The following DLG5 variants were observed in gnomAD, a reference collection of about 807,000 sequenced individuals.
DLG5 encodes discs large MAGUK scaffold protein 5.
Under a neutral mutation model 189.8 loss-of-function variants are expected in DLG5, and 48 were observed. That is an observed-to-expected ratio of 0.25 (90% CI 0.20 to 0.32). DLG5 has a LOEUF of 0.32. Ranked by LOEUF, DLG5 falls within the 10% of genes least tolerant of loss-of-function variation. The pLI, the probability that DLG5 is intolerant of heterozygous loss-of-function variation, is 1.00. For missense variants in DLG5, 2,160 were observed against 2,544.7 expected (o/e 0.85, Z 3.25); for synonymous variants, 1,016 against 1,054.1 (o/e 0.96, Z 0.70).
chr10:77,835,102 G>A (rs773411443), intron 8 of DLG5, among the ~76,000 whole-genome samples: 5 of 152,080 alleles, frequency 3.3e-5, no homozygotes, highest in Non-Finnish European at 7.4e-5. Context: ...AATCTCGCCA[G>A]CCTGCCCTCC....
In DLG5 at chr10:77,859,244, A is replaced by G. The variant is rs536132461; in HGVS notation, c.374-2352T>C. Among the ~76,000 whole-genome samples the G allele has an allele frequency of 9.8e-5, 15 of 152,358 alleles. 1 individual carries two copies. The East Asian group carries it at 2.9e-3, about 29-fold the overall frequency. On this transcript the variant is annotated intron_variant, in intron 2 of 31. Coordinates refer to ENST00000372391, the MANE Select transcript of DLG5 (RefSeq NM_004747.4). The stretch of plus-strand genomic sequence containing the variant: ...AAAAAGTTAAAAAAATATAAAGTTT[A>G]TAAAGTAAAAAAGTTACAGTAAGCA...
chr10:77,938,659 C>T, the DLG5 span, among the ~76,000 whole-genome samples: 2 of 152,156 alleles, frequency 1.3e-5, no homozygotes, highest in Non-Finnish European at 2.9e-5. Flanking sequence ...TTCCTGAGCA[C>T]TAAGTATGTT....
At chr10:77,801,502 C>G (rs914690969) in intron 27 of DLG5, among the ~76,000 whole-genome samples, 1 of 152,112 alleles carries the variant, frequency 6.6e-6, no homozygotes. Flanking sequence ...CGAGGAGAGG[C>G]AAGGTCAGCA....
chr10:77,831,397 C>CA (rs373644235), intron 9 of DLG5, among the ~76,000 whole-genome samples: 91 of 146,146 alleles, frequency 6.2e-4, no homozygotes, highest in Admixed American at 1.6e-3. Flanking sequence ...AACTCCATCT[C>CA]AAAAAAAAAA....
chr10:77,935,048 A>G, the DLG5 span, among the ~76,000 whole-genome samples: 1 of 151,914 alleles, frequency 6.6e-6, no homozygotes, highest in Non-Finnish European at 1.5e-5. Flanking sequence ...TAGTAGAGAT[A>G]GGGCTTCACT....
intron 1 of DLG5, among the ~76,000 whole-genome samples, chr10:77,887,089 G>T (rs1018372857): frequency 9.9e-5 from 15 of 152,114 alleles, no homozygotes; most frequent in Admixed American, 1.3e-4. Context: ...CTCTGTGCAG[G>T]CCCTTCCAAT....
intron 1 of DLG5, among the ~76,000 whole-genome samples, chr10:77,873,638 G>T (rs1361485564): frequency 2.0e-5 from 3 of 152,018 alleles, no homozygotes; most frequent in South Asian, 2.1e-4. Flanking sequence ...ATGGAAGCAC[G>T]CCCCCAACAC....
At chr10:77,835,599 G>T in intron 8 of DLG5, 139 bp downstream of exon 8, 1 of 856,374 alleles carries the variant, frequency 1.2e-6, no homozygotes, top group Non-Finnish European at 1.7e-6. Flanking sequence ...CATCAACTAG[G>T]GGTGAGAAAG....
intron 15 of DLG5, chr10:77,820,760 C>A (rs1251318435): frequency 2.0e-5 from 7 of 349,952 alleles, no homozygotes; most frequent in Admixed American, 8.7e-5. Context: ...ACACGTGCCA[C>A]CTCATCTCCC....
intron 23 of DLG5, 90 bp from the exon 24 acceptor site, chr10:77,809,820 C>CCTGCTT (rs753310684): frequency 1.2e-4 from 172 of 1,446,344 alleles, no homozygotes; most frequent in Non-Finnish European, 1.6e-4. Context: ...CCGCTTTCTG[C>CCTGCTT]CTGCTTCTTG....
intron 23 of DLG5, among the ~76,000 whole-genome samples, chr10:77,810,314 G>T (rs947276360): frequency 2.0e-5 from 3 of 152,230 alleles, no homozygotes; most frequent in Non-Finnish European, 4.4e-5. Context: ...CAGCCCGGGA[G>T]GAAAACCTTG....
upstream of DLG5, chr10:77,929,769 CTGGATTTCAGACTT>C (rs1846769698): frequency 6.6e-6 from 1 of 152,230 alleles, no homozygotes; most frequent in Non-Finnish European, 1.5e-5. Flanking sequence ...CCTCCAACAC[CTGGATTTCAGACTT>C]CTGACCTTGA....
chr10:77,806,208 G>A, intron 26 of DLG5: 1 of 299,556 alleles, frequency 3.3e-6, no homozygotes, highest in Non-Finnish European at 6.2e-6. Context: ...GATGCAGGCT[G>A]CCTCGAAAAC....
rs200848094 is a variant in DLG5, at chr10:77,880,464, T to A, written c.305-11267A>T. Among the ~76,000 whole-genome samples the A allele has an allele frequency of 2.2e-3, 327 of 152,040 alleles. 1 individual carries two copies. Among genetic ancestry groups the A allele is most frequent in the Middle Eastern group, 0.014 (4 of 294 alleles). On this transcript the variant is annotated intron_variant, in intron 1 of 31. Transcript: ENST00000372391. ...GTGAGACTCCATCTCAAAAAATAAA[T>A]AAAAACAAACAAACAAACAAACTGA...
At chr10:77,878,900 T>C (rs183794231) in intron 1 of DLG5, among the ~76,000 whole-genome samples, 12 of 152,308 alleles carry the variant, frequency 7.9e-5, no homozygotes, top group Middle Eastern at 3.4e-3. Context: ...CTGTAAAAGA[T>C]GCTACGCATT....
intron 18 of DLG5, 136 bp downstream of exon 18, chr10:77,817,641 T>C: frequency 2.8e-6 from 2 of 719,130 alleles, no homozygotes; most frequent in Non-Finnish European, 4.6e-6. Context: ...CCCTTCCCAG[T>C]AGAGAAATGA....
At chr10:77,874,631 C>T (rs1484278363) in intron 1 of DLG5, among the ~76,000 whole-genome samples, 2 of 152,204 alleles carry the variant, frequency 1.3e-5, no homozygotes, top group Non-Finnish European at 2.9e-5. Flanking sequence ...AGACTTGGGT[C>T]CTATCCCCAA....
intron 27 of DLG5, among the ~76,000 whole-genome samples, chr10:77,798,348 G>A (rs1414891873): frequency 2.0e-5 from 3 of 152,158 alleles, no homozygotes; most frequent in East Asian, 3.9e-4. Context: ...GTGGTCCCGA[G>A]TGAAGGCTCT....
intron 9 of DLG5, among the ~76,000 whole-genome samples, chr10:77,832,215 G>C (rs1339963263): frequency 6.6e-6 from 1 of 152,138 alleles, no homozygotes; most frequent in Non-Finnish European, 1.5e-5. Context: ...TGATAGATTT[G>C]ACTTCATCAA....
Sources: allele counts gnomAD v4.1 joint callset (sites outside exome capture counted in the v4.1 genomes callset), GRCh38; gene constraint gnomAD v4.1.1; transcripts MANE v1.5; gene names NCBI Gene and HGNC (gene_info 2026-07-23, HGNC 2026-07-21).